Variants in USP36 observed in about 807,000 individuals in gnomAD.
The protein encoded by USP36 is ubiquitin specific peptidase 36, also known as ubiquitin carboxyl-terminal hydrolase 36.
USP36 carries 59 observed loss-of-function variants against 111.5 expected under a neutral mutation model. The observed-to-expected ratio is 0.53, with a 90% confidence interval of 0.43 to 0.66. USP36 has a LOEUF of 0.66. Ranked by LOEUF, USP36 falls within the 30% of genes least tolerant of loss-of-function variation. USP36 has a pLI of 0.00. For synonymous variants in USP36, 628 were observed against 581.0 expected (o/e 1.08, Z -1.16); for missense variants, 1,488 against 1,468.0 (o/e 1.01, Z -0.22).
downstream of USP36, among the ~76,000 whole-genome samples, chr17:78,792,523 C>T (rs901470530): frequency 3.3e-5 from 5 of 152,164 alleles, no homozygotes; most frequent in African/African-American, 9.7e-5. Context: ...CCAGCAGCAG[C>T]CCCGGGGACT....
rs1379116666 is a variant in USP36, at chr17:78,827,857, T to G, written c.587-510A>C. 8.5e-5 allele frequency among the ~76,000 whole-genome samples: 13 copies of G among 152,334 alleles called. No homozygotes were observed. In the South Asian group the frequency reaches 2.7e-3, roughly 32 times the overall value. On this transcript the variant is annotated intron_variant, in intron 5 of 20. Coordinates refer to ENST00000449938, the MANE Select transcript of USP36 (RefSeq NM_001385174.1). The stretch of plus-strand genomic sequence containing the variant: ...CTAGGAGGTTGAGGCTGCAGTGAGC[T>G]ATGATCTCACCACTGCAATCTCCAG...
intron 2 of USP36, among the ~76,000 whole-genome samples, chr17:78,837,690 T>C (rs2068813548): frequency 6.6e-6 from 1 of 151,986 alleles, no homozygotes; most frequent in Non-Finnish European, 1.5e-5. Flanking sequence ...ACTATCTGAG[T>C]CACAATTTCA....
At chr17:78,799,635 G>A (rs2093690886) in intron 18 of USP36, 32 bp downstream of exon 18, 1 of 1,601,040 alleles carries the variant, frequency 6.2e-7, no homozygotes, top group Non-Finnish European at 8.5e-7. Context: ...ACCAATGAAA[G>A]GCAAACAGAA....
At chr17:78,794,332 G>A (rs575088100), downstream of USP36, among the ~76,000 whole-genome samples, 1 of 152,180 alleles carries the variant, frequency 6.6e-6, no homozygotes, top group Admixed American at 6.5e-5. Context: ...TGTCCAAACT[G>A]TCAAACAAAA....
chr17:78,828,348 G>A (rs753834011), intron 5 of USP36, among the ~76,000 whole-genome samples: 6 of 152,200 alleles, frequency 3.9e-5, no homozygotes, highest in Non-Finnish European at 8.8e-5. Context: ...TCTGCCAAGT[G>A]AATGTGAATG....
chr17:78,818,958 C>A (rs2094253064), intron 9 of USP36, 180 bp from the exon 10 acceptor site: 5 of 572,126 alleles, frequency 8.7e-6, no homozygotes, highest in Non-Finnish European at 1.5e-5. Context: ...TAAAGGAAAG[C>A]TACCACAGGG....
intron 5 of USP36, among the ~76,000 whole-genome samples, chr17:78,828,589 C>G (rs1159566124): frequency 6.6e-6 from 1 of 152,196 alleles, no homozygotes; most frequent in African/African-American, 2.4e-5. Context: ...CTTGAGTCTG[C>G]ACCACCACAT....
At chr17:78,800,321 C>T (rs547121560) in intron 17 of USP36, among the ~76,000 whole-genome samples, 3 of 152,298 alleles carry the variant, frequency 2.0e-5, no homozygotes. Context: ...TGGCTGCTGC[C>T]ATCAGGGGCC....
intron 4 of USP36, among the ~76,000 whole-genome samples, chr17:78,830,625 T>G (rs567605488): frequency 6.6e-6 from 1 of 152,312 alleles, no homozygotes; most frequent in South Asian, 2.1e-4. Context: ...AATAGATCCA[T>G]CTCATAACAC....
intron 4 of USP36, among the ~76,000 whole-genome samples, chr17:78,834,463 G>C (rs2068456699): frequency 6.6e-6 from 1 of 152,076 alleles, no homozygotes; most frequent in Admixed American, 6.6e-5. Flanking sequence ...GTGTGTGTGA[G>C]ATGGAGTCTT....
At chr17:78,810,060 G>T (rs746938410) in intron 13 of USP36, among the ~76,000 whole-genome samples, 43 of 152,026 alleles carry the variant, frequency 2.8e-4, no homozygotes, top group Non-Finnish European at 5.9e-4. Context: ...TTGGCAAGCT[G>T]GTCTCAAACT....
rs748545756 is a variant in USP36, at chr17:78,813,878, A to G, written c.1165-5T>C. ...GTACCACTGTCCATTGCTTGCCTGA[A>G]GCAGCCAAGGATGTTGCAGAAAACA... On this transcript the variant is annotated splice_polypyrimidine_tract_variant and splice_region_variant and intron_variant, in intron 11 of 20. Transcript: ENST00000449938. 1.9e-6 allele frequency: 3 copies of G among 1,613,684 alleles called. No individual in the cohort carries two copies. Among genetic ancestry groups the G allele is most frequent in the South Asian group, 2.2e-5 (2 of 90,998 alleles).
rs74001264 is a variant in USP36, at chr17:78,809,618, G to A, written c.1408-1982C>T. 6.7e-3 allele frequency among the ~76,000 whole-genome samples: 1,027 copies of A among 152,268 alleles called. 12 individuals are homozygous for A. The highest frequency in any genetic ancestry group is 0.023 in the African/African-American group (960 of 41,546). ...TCTGCCCATGGAGTTCCTGTGGCAA[G>A]TGGGGCTTCCTTTGTTTTTCTGGGG... On this transcript the variant is annotated intron_variant, in intron 13 of 20. Transcript: ENST00000449938.
At position 78,798,545 on chromosome 17, in the gene USP36, T is replaced by C; in HGVS notation, c.3247A>G (p.Lys1083Glu). The change falls in exon 20 of 21, where the codon AAA becomes GAA. Residue 1083 changes from lysine (K) to glutamate (E), a missense_variant. Physicochemically the swap from Lys to Glu is moderately conservative, Grantham distance 56 (BLOSUM62 1). Transcript: ENST00000449938. This position sits in a 1 kb window ranked among gnomAD's most constrained non-coding sequence, Gnocchi z 5.1. ...DEEFDRGKEKKIKKFKREKRR... is the reference protein window; with the variant it reads ...DEEFDRGKEKEIKKFKREKRR... ...TTCTCTCTCTTAAATTTTTTAATTT[T>C]CTTTTCCTAGACCAAGAATCACAGG... 3.1e-6 allele frequency: 5 copies of C among 1,613,632 alleles called. No individual in the cohort carries two copies. Among genetic ancestry groups the C allele is most frequent in the Non-Finnish European group, 4.2e-6 (5 of 1,180,026 alleles).
chr17:78,828,521 GC>G (rs1393495086), intron 5 of USP36, among the ~76,000 whole-genome samples: 2 of 151,990 alleles, frequency 1.3e-5, no homozygotes, highest in Admixed American at 1.3e-4. Flanking sequence ...GTCCTGACCT[GC>G]CCCCACTAAG....
chr17:78,804,365 G>A (rs1408944436), intron 15 of USP36, among the ~76,000 whole-genome samples: 2 of 151,380 alleles, frequency 1.3e-5, no homozygotes, highest in African/African-American at 2.4e-5. Flanking sequence ...GGAGACTGAG[G>A]CAGGAGAATC....
Position 78,798,422 on chromosome 17 carries a change from AG to A in USP36, c.3369del (p.Ter1124AspfsTer24). 2 of 1,614,002 alleles carry A rather than the reference AG, an allele frequency of 1.2e-6. No individual in the cohort carries two copies. The highest frequency in any genetic ancestry group is 1.7e-6 in the Non-Finnish European group (2 of 1,179,996). The part of the protein sequence containing the change: ...PAKAASLSYR[R>X] ...GACCTCCTTCCACAGGGGCACAGTC[AG>A]CGGCGATAGCTGAGGCTGGCAGCCT... On this transcript the variant is annotated frameshift_variant, in exon 20 of 21. Transcript: ENST00000449938. LOFTEE classifies it high-confidence loss of function. This position sits in a 1 kb window ranked among gnomAD's most constrained non-coding sequence, Gnocchi z 5.1.
rs543651492 is a variant in USP36, at chr17:78,821,925, G to A, written c.757+12C>T. 2.9e-5 allele frequency: 47 copies of A among 1,614,008 alleles called. No homozygotes were observed. Among genetic ancestry groups the A allele is most frequent in the South Asian group, 5.5e-5 (5 of 91,082 alleles). Reference sequence around the variant, plus strand: ...CCTGGCAAGAAGCAGTAGAACAAACGTCTCCACTTACCGCGTGATCTGAGA... The same window carrying A: ...CCTGGCAAGAAGCAGTAGAACAAACATCTCCACTTACCGCGTGATCTGAGA... On this transcript the variant is annotated intron_variant, in intron 7 of 20. Transcript: ENST00000449938.
rs376944310 is a variant in USP36, at chr17:78,813,759, C to A, written c.1265+14G>T. The A allele has an allele frequency of 5.6e-6, 9 of 1,612,040 alleles. No individual in the cohort carries two copies. The African/African-American group carries it at 1.2e-4, about 22-fold the overall frequency. On this transcript the variant is annotated intron_variant, in intron 12 of 20. Coordinates refer to ENST00000449938, the MANE Select transcript of USP36 (RefSeq NM_001385174.1). ...AGGGAGTGAGCTCATCTGGGGAGGG[C>A]GTGAGTTTATTACCGCAGATAGAAC...
Sources: gnomAD v4.1 joint callset for allele counts (sites outside exome capture counted in the v4.1 genomes callset) on GRCh38, gnomAD v4.1.1 for gene constraint, Gnocchi (gnomAD v3.1) non-coding constraint, MANE v1.5 for transcripts, NCBI Gene and HGNC (gene_info 2026-07-23, HGNC 2026-07-21) for gene names.